Variants in GABRA5 observed in about 807,000 individuals in gnomAD.
GABRA5 encodes the protein gamma-aminobutyric acid receptor subunit alpha-5.
Under a neutral mutation model 47.3 loss-of-function variants are expected in GABRA5, and 18 were observed. The ratio of observed to expected loss-of-function variants is 0.38; its 90% CI spans 0.26 to 0.56. GABRA5 has a LOEUF of 0.56. Among genes scored for constraint, GABRA5 ranks in the 20% least tolerant of loss-of-function variants. GABRA5 has a pLI of 0.71. For synonymous variants in GABRA5, 237 were observed against 229.3 expected (o/e 1.03, Z -0.30); for missense variants, 365 against 599.3 (o/e 0.61, Z 4.08).
intron 6 of GABRA5, among the ~76,000 whole-genome samples, chr15:26,903,581 A>T (rs2140281990): frequency 6.6e-6 from 1 of 152,274 alleles, no homozygotes; most frequent in Non-Finnish European, 1.5e-5. Context: ...AACAGTGTAT[A>T]AGCATTCCCC....
At chr15:26,887,562 C>T (rs1782022029) in intron 6 of GABRA5, among the ~76,000 whole-genome samples, 1 of 152,058 alleles carries the variant, frequency 6.6e-6, no homozygotes, top group African/African-American at 2.4e-5. Flanking sequence ...GAACTCCTAA[C>T]CTCAGCCTCG....
chr15:26,916,739 A>G (rs981407390), intron 7 of GABRA5, among the ~76,000 whole-genome samples: 4 of 151,936 alleles, frequency 2.6e-5, no homozygotes, highest in African/African-American at 9.7e-5. Context: ...GTTTTCTTTA[A>G]TTTATTTCAT....
In GABRA5 at chr15:26,892,900, T is replaced by C. The variant is rs148541343; in HGVS notation, c.497+9343T>C. Among the ~76,000 whole-genome samples, 887 of 151,778 alleles carry C rather than the reference T, an allele frequency of 5.8e-3. 11 individuals are homozygous for C. The highest frequency in any genetic ancestry group is 0.021 in the African/African-American group (855 of 41,372). ...TGTATGGGTATGTGTGGTGTGTGTG[T>C]GTATGAGGTTGTGTGTGCGTGATGT... On this transcript the variant is annotated intron_variant, in intron 6 of 10. Coordinates refer to ENST00000335625, the MANE Select transcript of GABRA5 (RefSeq NM_000810.4).
At chr15:26,944,038 G>A (rs1684403005) in intron 10 of GABRA5, among the ~76,000 whole-genome samples, 1 of 152,246 alleles carries the variant, frequency 6.6e-6, no homozygotes, top group African/African-American at 2.4e-5. Flanking sequence ...AAAGCAGCAT[G>A]TGGTGAACGG....
At chr15:26,911,702 G>T (rs990485706) in intron 6 of GABRA5, among the ~76,000 whole-genome samples, 3 of 152,130 alleles carry the variant, frequency 2.0e-5, no homozygotes, top group African/African-American at 7.2e-5. Flanking sequence ...GAAACGTCAC[G>T]TCTGGTGCCT....
chr15:26,930,660 T>C (rs1435850557), intron 7 of GABRA5, among the ~76,000 whole-genome samples: 1 of 152,082 alleles, frequency 6.6e-6, no homozygotes, highest in Non-Finnish European at 1.5e-5. Flanking sequence ...ATGGAGACTT[T>C]CTCTACAACT....
intron 4 of GABRA5, among the ~76,000 whole-genome samples, chr15:26,881,674 G>A (rs1406577272): frequency 6.6e-6 from 1 of 152,148 alleles, no homozygotes; most frequent in African/African-American, 2.4e-5. Context: ...CATTCTTGGA[G>A]GAAAAAATTT....
At chr15:26,885,766 A>G (rs1029822912) in intron 6 of GABRA5, among the ~76,000 whole-genome samples, 4 of 152,134 alleles carry the variant, frequency 2.6e-5, no homozygotes, top group Admixed American at 2.6e-4. Flanking sequence ...GTGCAGTCTC[A>G]GCCCTGTGTG....
At chr15:26,895,477 C>A (rs374059042) in intron 6 of GABRA5, among the ~76,000 whole-genome samples, 1 of 151,912 alleles carries the variant, frequency 6.6e-6, no homozygotes, top group South Asian at 2.1e-4. Flanking sequence ...CTGCTTCATG[C>A]CTTATGGAAT....
chr15:26,931,438 C>T (rs1261815289), intron 7 of GABRA5, among the ~76,000 whole-genome samples: 1 of 152,126 alleles, frequency 6.6e-6, no homozygotes, highest in African/African-American at 2.4e-5. Flanking sequence ...TTTATGAGGC[C>T]TCCCCCATCA....
intron 10 of GABRA5, among the ~76,000 whole-genome samples, chr15:26,946,564 A>G (rs17647448): frequency 0.39 from 59,908 of 151,920 alleles, 12,467 homozygotes; most frequent in Middle Eastern, 0.6. Context: ...TTGAAGCAAA[A>G]TTTGTAGTGT....
At chr15:26,918,276 G>A (rs1893763589) in intron 7 of GABRA5, among the ~76,000 whole-genome samples, 2 of 152,150 alleles carry the variant, frequency 1.3e-5, no homozygotes, top group Admixed American at 6.5e-5. Context: ...TTGTACAAAT[G>A]TGTGTTGTGT....
intron 3 of GABRA5, among the ~76,000 whole-genome samples, chr15:26,870,330 G>A (rs1411914591): frequency 6.6e-6 from 1 of 152,190 alleles, no homozygotes; most frequent in Non-Finnish European, 1.5e-5. Context: ...ACTCTTCTGT[G>A]CAGAGGAAGG....
chr15:26,925,637 T>C (rs1173306936), intron 7 of GABRA5, among the ~76,000 whole-genome samples: 4 of 152,350 alleles, frequency 2.6e-5, no homozygotes, highest in Admixed American at 1.3e-4. Context: ...CTGAATCCTA[T>C]TGGGATTAGT....
At chr15:26,893,324 GTGT>G (rs1893070006) in intron 6 of GABRA5, among the ~76,000 whole-genome samples, 1 of 73,010 alleles carries the variant, frequency 1.4e-5, no homozygotes, top group Non-Finnish European at 2.9e-5. Context: ...TGTATATGGC[GTGT>G]TGTGTGTCTA....
rs753995528 is a variant in GABRA5 at position 26,869,221 on chromosome 15, C to T, written c.-28C>T. 2.9e-6 allele frequency: 4 copies of T among 1,357,286 alleles called. No homozygotes were observed. The highest frequency in any genetic ancestry group is 1.4e-5 in the African/African-American group (1 of 69,914). The allele number at this position is 1,357,286 out of a possible 1,614,324, so 84.1% of individuals were successfully genotyped here. A position where few individuals can be genotyped will look rare whatever the true frequency, so the allele number is the denominator to read the frequency against. On this transcript the variant is annotated 5_prime_UTR_variant, in exon 3 of 11. Transcript: ENST00000335625. Reference sequence around the variant, plus strand: ...GGGAAGAGTTATTCCTCCATATTCACCTGCTTCAACTACTATTCTTATTGG... The same window carrying T: ...GGGAAGAGTTATTCCTCCATATTCATCTGCTTCAACTACTATTCTTATTGG...
intron 6 of GABRA5, among the ~76,000 whole-genome samples, chr15:26,899,808 A>T (rs1322487346): frequency 6.6e-6 from 1 of 152,132 alleles, no homozygotes; most frequent in Non-Finnish European, 1.5e-5. Context: ...CTCGTACATG[A>T]TAAAGAATTA....
At position 26,943,223 on chromosome 15, in the gene GABRA5, A is replaced by G; in HGVS notation, c.886A>G (p.Thr296Ala). The change falls in exon 10 of 11, where the codon ACG becomes GCG. Residue 296 changes from threonine (T) to alanine (A), a missense_variant. Around this residue, in one of 3 missense-constraint regions of GABRA5, gnomAD observed 43 missense variants for 133.7 expected, o/e 0.32. Coordinates refer to ENST00000335625, the MANE Select transcript of GABRA5 (RefSeq NM_000810.4). ...VPARTVFGVT[T>A]VLTMTTLSIS... is the part of the protein sequence containing the mutation. ...CTGCCTGACCCCCGCAGGGGTCACC[A>G]CGGTGCTGACCATGACGACCCTCAG... The G allele has an allele frequency of 6.4e-7, 1 of 1,553,804 alleles. No individual in the cohort carries two copies. The highest frequency in any genetic ancestry group is 8.7e-7 in the Non-Finnish European group (1 of 1,148,954).
At chr15:26,922,766 CTAAT>C (rs1406674141) in intron 7 of GABRA5, among the ~76,000 whole-genome samples, 10 of 152,066 alleles carry the variant, frequency 6.6e-5, no homozygotes, top group East Asian at 1.9e-4. Flanking sequence ...ACTTAATTAA[CTAAT>C]TAATTAAAGA....
Sources: allele counts gnomAD v4.1 joint callset (sites outside exome capture counted in the v4.1 genomes callset), GRCh38; gene constraint gnomAD v4.1.1; regional missense constraint gnomAD v4.1.1; transcripts MANE v1.5; gene names NCBI Gene and HGNC (gene_info 2026-07-23, HGNC 2026-07-21).